The following IL7 variants were observed in gnomAD, a reference collection of about 807,000 sequenced individuals.
The protein encoded by IL7 is interleukin-7.
Under a neutral mutation model 21.6 loss-of-function variants are expected in IL7, and 3 were observed. That is an observed-to-expected ratio of 0.14 (90% confidence interval 0.06 to 0.36). The LOEUF (loss-of-function observed/expected upper bound fraction) is 0.36, where lower values mean the gene tolerates loss of function less well. Among genes scored for constraint, IL7 ranks in the 10% least tolerant of loss-of-function variants. IL7 has a pLI of 1.00. For synonymous variants in IL7, 62 were observed against 68.1 expected, an observed-to-expected ratio of 0.91 and a Z score of 0.44; for missense variants, 175 against 200.2, an observed-to-expected ratio of 0.87 and a Z score of 0.76.
chr8:78,735,294 T>TTG (rs1467778291), intron 5 of IL7, among the ~76,000 whole-genome samples: 4 of 73,030 alleles, frequency 5.5e-5, no homozygotes, highest in Admixed American at 2.4e-4. Flanking sequence ...TTTTTTTTTG[T>TTG]TTTTTTTTTT....
chr8:78,693,820 T>C (rs1169873911), intron 3 of IL7, among the ~76,000 whole-genome samples: 1 of 152,234 alleles, frequency 6.6e-6, no homozygotes. Flanking sequence ...GCCTGTGTCC[T>C]GAATGGTATT....
At chr8:78,686,737 G>C (rs1035830233) in intron 3 of IL7, 1 of 975,344 alleles carries the variant, frequency 1.0e-6, no homozygotes, top group Non-Finnish European at 1.4e-6. Context: ...TTAAAATTTG[G>C]TGTAAAATGG....
exon 5 of IL7, chr8:78,675,965 A>G (rs1175367258): frequency 8.3e-6 from 8 of 961,388 alleles, no homozygotes; most frequent in Non-Finnish European, 9.7e-6. Flanking sequence ...ATAGTTTTTG[A>G]AGAGTTAATG....
intron 2 of IL7, among the ~76,000 whole-genome samples, chr8:78,793,862 T>C (rs1250766979): frequency 6.6e-6 from 1 of 152,202 alleles, no homozygotes; most frequent in Non-Finnish European, 1.5e-5. Flanking sequence ...CTAAATTTTT[T>C]CTTGTCATTT....
chr8:78,799,320 A>G (rs1813971419), intron 1 of IL7, among the ~76,000 whole-genome samples: 1 of 152,166 alleles, frequency 6.6e-6, no homozygotes, highest in Non-Finnish European at 1.5e-5. Context: ...TAACATTGTC[A>G]TCTATTATAT....
At chr8:78,719,868 A>G (rs1451852018) in intron 5 of IL7, 1 of 151,846 alleles carries the variant, frequency 6.6e-6, no homozygotes, top group Non-Finnish European at 1.5e-5. Flanking sequence ...AGATTTTTAC[A>G]AATAAAAAGT....
intron 2 of IL7, among the ~76,000 whole-genome samples, chr8:78,786,108 T>C (rs937376444): frequency 6.6e-6 from 1 of 152,220 alleles, no homozygotes; most frequent in Non-Finnish European, 1.5e-5. Context: ...TGTCACTTAA[T>C]GATAGGGGAT....
At chr8:78,768,803 G>A (rs1380789887) in intron 2 of IL7, among the ~76,000 whole-genome samples, 7 of 152,010 alleles carry the variant, frequency 4.6e-5, no homozygotes, top group Non-Finnish European at 7.4e-5. Context: ...CTGGCAAACC[G>A]AATCCAGCAG....
At chr8:78,698,609 T>C in intron 3 of IL7, 1 of 914,414 alleles carries the variant, frequency 1.1e-6, no homozygotes, top group Non-Finnish European at 1.5e-6. Flanking sequence ...TCATCTTCAT[T>C]TCCTAAGTTC....
downstream of IL7, among the ~76,000 whole-genome samples, chr8:78,675,441 T>G (rs1421225434): frequency 6.6e-6 from 1 of 151,954 alleles, no homozygotes; most frequent in Non-Finnish European, 1.5e-5. Flanking sequence ...ATAAGATAAA[T>G]TTTGTTCTTA....
chr8:78,796,783 G>A (rs1813867189), intron 2 of IL7, among the ~76,000 whole-genome samples: 1 of 151,938 alleles, frequency 6.6e-6, no homozygotes, highest in East Asian at 1.9e-4. Flanking sequence ...GAAGGCATTA[G>A]GATCTCATTC....
At chr8:78,790,834 T>C (rs2130828690) in intron 2 of IL7, among the ~76,000 whole-genome samples, 1 of 151,198 alleles carries the variant, frequency 6.6e-6, no homozygotes, top group African/African-American at 2.4e-5. Context: ...GGAACAAAAA[T>C]CCCATGTTCA....
chr8:78,677,796 G>A (rs969812628), intron 4 of IL7, among the ~76,000 whole-genome samples: 52 of 152,252 alleles, frequency 3.4e-4, no homozygotes, highest in African/African-American at 1.1e-3. Flanking sequence ...AATTTAGGGC[G>A]AGTTCGCAGT....
intron 4 of IL7, among the ~76,000 whole-genome samples, chr8:78,680,173 G>C (rs538350877): frequency 2.7e-4 from 41 of 151,080 alleles, no homozygotes; most frequent in African/African-American, 9.5e-4. Flanking sequence ...ATGAATATTA[G>C]TCATCCTGTT....
chr8:78,778,186 C>T (rs761369795), intron 2 of IL7, among the ~76,000 whole-genome samples: 23 of 152,200 alleles, frequency 1.5e-4, no homozygotes, highest in Non-Finnish European at 3.4e-4. Context: ...TACCTGTGCT[C>T]ATTATTTAAC....
intron 2 of IL7, chr8:78,797,765 A>G (rs1178637859): frequency 4.5e-6 from 1 of 219,948 alleles, no homozygotes; most frequent in Non-Finnish European, 9.0e-6. Flanking sequence ...AGGGACTAAC[A>G]TGGTAAATGG....
At chr8:78,699,957 ATATATTCTTCTGGG>A (rs1370225682) in intron 3 of IL7, among the ~76,000 whole-genome samples, 1 of 152,016 alleles carries the variant, frequency 6.6e-6, no homozygotes, top group Non-Finnish European at 1.5e-5. Flanking sequence ...ATAGAATGAT[ATATATTCTTCTGGG>A]TATATACTCA....
chr8:78,686,139 T>A (rs529689205), intron 3 of IL7, among the ~76,000 whole-genome samples: 173 of 152,338 alleles, frequency 1.1e-3, no homozygotes, highest in Non-Finnish European at 2.1e-3. Flanking sequence ...ACTACTGTTA[T>A]AATGGCAATT....
chr8:78,803,817 A>C (rs964567450), intron 1 of IL7, among the ~76,000 whole-genome samples: 2 of 152,166 alleles, frequency 1.3e-5, no homozygotes, highest in African/African-American at 4.8e-5. Context: ...TACGTTGGCT[A>C]TTCTTTCCGC....
Sources: gnomAD v4.1 joint callset for allele counts (sites outside exome capture counted in the v4.1 genomes callset) on GRCh38, gnomAD v4.1.1 for gene constraint, MANE v1.5 for transcripts, NCBI Gene and HGNC (gene_info 2026-07-23, HGNC 2026-07-21) for gene names.